ROBO2: variants seen among roughly 807,000 people sequenced by gnomAD.
ROBO2 encodes the protein roundabout guidance receptor 2, also known as roundabout homolog 2.
Under a neutral mutation model 160.8 loss-of-function variants are expected in ROBO2, and 53 were observed. The ratio of observed to expected loss-of-function variants is 0.33; its 90% CI spans 0.26 to 0.41. The LOEUF (loss-of-function observed/expected upper bound fraction) is 0.41, where lower values mean the gene tolerates loss of function less well. Among genes scored for constraint, ROBO2 ranks in the 10% least tolerant of loss-of-function variants. The pLI is 1.00. For missense variants in ROBO2, 1,577 were observed against 1,722.4 expected, an observed-to-expected ratio of 0.92 and a Z score of 1.49; for synonymous variants, 664 against 611.7, an observed-to-expected ratio of 1.09 and a Z score of -1.26.
intron 2 of ROBO2, among the ~76,000 whole-genome samples, chr3:77,015,663 C>T (rs2062193947): frequency 1.3e-5 from 2 of 152,094 alleles, no homozygotes; most frequent in South Asian, 4.1e-4. Context: ...CATACAAACC[C>T]CAATATATAC....
In ROBO2 at chr3:77,477,136, C is replaced by T. The variant is rs80151536; in HGVS notation, c.389-278C>T. Among the ~76,000 whole-genome samples, 889 of 152,160 alleles carry T rather than the reference C, an allele frequency of 5.8e-3. 8 individuals are homozygous for T. The highest frequency in any genetic ancestry group is 0.02 in the African/African-American group (850 of 41,498). On this transcript the variant is annotated intron_variant, in intron 2 of 25. Coordinates refer to ENST00000461745, the Ensembl canonical transcript of ROBO2. Reference sequence around the variant, plus strand: ...TGCACCTTGCTTTTTTAATTAATCGCAGAACTGTACATGAATATTTCTCAT... The same window carrying T: ...TGCACCTTGCTTTTTTAATTAATCGTAGAACTGTACATGAATATTTCTCAT...
chr3:77,139,873 C>G (rs905091388), intron 2 of ROBO2, among the ~76,000 whole-genome samples: 2 of 152,138 alleles, frequency 1.3e-5, no homozygotes, highest in African/African-American at 4.8e-5. Flanking sequence ...CAAGGCAAAT[C>G]CTGACAACCC....
intron 2 of ROBO2, among the ~76,000 whole-genome samples, chr3:77,165,347 C>A (rs1023873066): frequency 2.1e-4 from 31 of 148,892 alleles, no homozygotes; most frequent in Non-Finnish European, 4.2e-4. Flanking sequence ...CTTTGTTAAA[C>A]AGATGCTTGA....
In ROBO2 at chr3:77,409,211, T is replaced by C. The variant is rs13058837; in HGVS notation, c.389-68203T>C. 2.6e-3 allele frequency among the ~76,000 whole-genome samples: 393 copies of C among 151,744 alleles called. 2 individuals carry two copies. Among genetic ancestry groups the C allele is most frequent in the Non-Finnish European group, 4.5e-3 (304 of 67,938 alleles). ...TATATTGCAACAAGTTGCTAATTCA[T>C]AGTTTCTGCTTGAGACTCTAAAGCA... On this transcript the variant is annotated intron_variant, in intron 2 of 25. Coordinates refer to ENST00000461745, the Ensembl canonical transcript of ROBO2.
At chr3:77,008,063 GATACTATCAGAA>G (rs2061675365) in intron 2 of ROBO2, among the ~76,000 whole-genome samples, 9 of 151,806 alleles carry the variant, frequency 5.9e-5, no homozygotes, top group Admixed American at 3.9e-4. Flanking sequence ...GGGAACTTTA[GATACTATCAGAA>G]AGCTCAAGTC....
At chr3:76,393,446 G>T (rs1431648913) in intron 2 of ROBO2, among the ~76,000 whole-genome samples, 1 of 152,152 alleles carries the variant, frequency 6.6e-6, no homozygotes, top group African/African-American at 2.4e-5. Context: ...GAAAAAAGTA[G>T]TTTGTGGGGA....
intron 2 of ROBO2, among the ~76,000 whole-genome samples, chr3:76,956,254 A>C (rs1456239191): frequency 1.3e-5 from 2 of 152,148 alleles, no homozygotes; most frequent in African/African-American, 4.8e-5. Flanking sequence ...TTTAGATTAA[A>C]ATATGTTAGT....
At chr3:77,036,590 GT>G (rs1194094610), upstream of ROBO2, among the ~76,000 whole-genome samples, 1 of 151,890 alleles carries the variant, frequency 6.6e-6, no homozygotes, top group African/African-American at 2.4e-5. Flanking sequence ...GATAATGACA[GT>G]TTCTTACAAT....
At chr3:76,665,259 C>T (rs888383834) in intron 2 of ROBO2, among the ~76,000 whole-genome samples, 7 of 151,840 alleles carry the variant, frequency 4.6e-5, no homozygotes, top group African/African-American at 1.7e-4. Context: ...ATCCAACTAA[C>T]AAAAAATATT....
chr3:77,255,875 G>A (rs1186446031), intron 2 of ROBO2, among the ~76,000 whole-genome samples: 1 of 152,202 alleles, frequency 6.6e-6, no homozygotes, highest in Non-Finnish European at 1.5e-5. Context: ...GAGAATGGAA[G>A]GCTTCCAGTC....
At chr3:77,053,798 G>A (rs554092589) in intron 1 of ROBO2, among the ~76,000 whole-genome samples, 1 of 152,242 alleles carries the variant, frequency 6.6e-6, no homozygotes, top group East Asian at 1.9e-4. Flanking sequence ...GAAATAATCA[G>A]AAATCTAGAA....
intron 2 of ROBO2, among the ~76,000 whole-genome samples, chr3:77,217,711 C>T (rs1475110011): frequency 6.6e-6 from 1 of 152,108 alleles, no homozygotes; most frequent in East Asian, 1.9e-4. Flanking sequence ...CTAAAGGAAA[C>T]CAGTTATATA....
chr3:77,107,621 T>A (rs976296033), intron 2 of ROBO2, among the ~76,000 whole-genome samples: 4 of 152,302 alleles, frequency 2.6e-5, no homozygotes, highest in African/African-American at 9.6e-5. Context: ...TACAGGAAGA[T>A]GTGTAGCTAT....
chr3:76,614,232 C>G (rs1578549812), intron 2 of ROBO2, among the ~76,000 whole-genome samples: 1 of 152,054 alleles, frequency 6.6e-6, no homozygotes, highest in Non-Finnish European at 1.5e-5. Context: ...TATAAGCTTT[C>G]TCTCCCTTCA....
intron 2 of ROBO2, among the ~76,000 whole-genome samples, chr3:76,211,814 C>T (rs1417763666): frequency 6.6e-6 from 1 of 151,980 alleles, no homozygotes. Context: ...TTCAAAATTA[C>T]TTTTACCTTT....
intron 2 of ROBO2, among the ~76,000 whole-genome samples, chr3:77,017,786 GA>G (rs1233214673): frequency 6.6e-6 from 1 of 151,518 alleles, no homozygotes; most frequent in Non-Finnish European, 1.5e-5. Flanking sequence ...AATTTGTAAT[GA>G]AAAATACTTT....
chr3:77,147,365 A>G lies in ROBO2; in HGVS notation c.388+49025A>G, dbSNP rs575099446. 2.0e-4 allele frequency among the ~76,000 whole-genome samples: 30 copies of G among 152,282 alleles called. No individual in the cohort carries two copies. In the South Asian group the frequency reaches 6.2e-3, roughly 32 times the overall value. On this transcript the variant is annotated intron_variant, in intron 2 of 25. Coordinates refer to ENST00000461745, the Ensembl canonical transcript of ROBO2. Reference sequence around the variant, plus strand: ...CCCTAAAGGGTGGAAATTTAATGACATGATAATTGTGAGTGCTCTTTTCAA... The same window carrying G: ...CCCTAAAGGGTGGAAATTTAATGACGTGATAATTGTGAGTGCTCTTTTCAA...
At chr3:77,561,183 G>C (rs549970222) in intron 9 of ROBO2, among the ~76,000 whole-genome samples, 12 of 152,208 alleles carry the variant, frequency 7.9e-5, no homozygotes, top group African/African-American at 2.9e-4. Context: ...AGGCACTAAT[G>C]ATTTACCTGA....
chr3:76,157,898 T>C (rs904182512), intron 2 of ROBO2, among the ~76,000 whole-genome samples: 5 of 152,182 alleles, frequency 3.3e-5, no homozygotes, highest in African/African-American at 1.2e-4. Flanking sequence ...TCTCTCCTTC[T>C]AGACCTTGAG....
Sources: gnomAD v4.1 joint callset for allele counts (sites outside exome capture counted in the v4.1 genomes callset) on GRCh38, gnomAD v4.1.1 for gene constraint, MANE v1.5 for transcripts, NCBI Gene and HGNC (gene_info 2026-07-23, HGNC 2026-07-21) for gene names.